Variants in PCDH9 observed in about 807,000 individuals in gnomAD.
PCDH9 encodes protocadherin 9, also known as protocadherin-9.
In PCDH9, 24 loss-of-function variants were observed where a neutral mutation model predicts 70.6. That is an observed-to-expected ratio of 0.34 (90% confidence interval 0.25 to 0.48). The LOEUF (loss-of-function observed/expected upper bound fraction) is 0.48. Among genes scored for constraint, PCDH9 ranks in the 20% least tolerant of loss-of-function variants. The pLI is 0.99. For synonymous variants in PCDH9, 562 were observed against 558.5 expected (o/e 1.01, Z -0.09); for missense variants, 1,281 against 1,503.6 (o/e 0.85, Z 2.45).
intron 3 of PCDH9, among the ~76,000 whole-genome samples, chr13:66,800,778 T>C (rs1213982028): frequency 2.0e-5 from 3 of 152,138 alleles, no homozygotes; most frequent in South Asian, 2.1e-4. Flanking sequence ...TCAAATTGTT[T>C]TTTTTACAAA....
intron 4 of PCDH9, among the ~76,000 whole-genome samples, chr13:66,463,816 C>T (rs1958468751): frequency 6.6e-6 from 1 of 151,642 alleles, no homozygotes; most frequent in Admixed American, 6.6e-5. Context: ...ACATTTTCCT[C>T]AAAGGTACAA....
At chr13:66,372,421 A>G (rs1956671249) in intron 4 of PCDH9, among the ~76,000 whole-genome samples, 1 of 151,802 alleles carries the variant, frequency 6.6e-6, no homozygotes, top group Non-Finnish European at 1.5e-5. Context: ...GATGGTGAAC[A>G]TCATATAAAA....
At chr13:66,360,787 A>T (rs1014768323) in intron 4 of PCDH9, among the ~76,000 whole-genome samples, 1 of 151,460 alleles carries the variant, frequency 6.6e-6, no homozygotes, top group African/African-American at 2.4e-5. Flanking sequence ...TTAAGTGAAG[A>T]TTTTTTTTTA....
chr13:66,399,741 A>G (rs1957156954), intron 4 of PCDH9, among the ~76,000 whole-genome samples: 1 of 152,118 alleles, frequency 6.6e-6, no homozygotes, highest in Non-Finnish European at 1.5e-5. Context: ...AAAAAAAGAA[A>G]AAAAAGGACA....
chr13:66,456,130 T>C (rs574982643), intron 4 of PCDH9, among the ~76,000 whole-genome samples: 2 of 152,182 alleles, frequency 1.3e-5, no homozygotes, highest in African/African-American at 2.4e-5. Context: ...AATTAAATGC[T>C]TTTTATCTGA....
At chr13:66,435,694 C>T (rs951216497) in intron 4 of PCDH9, among the ~76,000 whole-genome samples, 1 of 152,258 alleles carries the variant, frequency 6.6e-6, no homozygotes, top group East Asian at 1.9e-4. Flanking sequence ...TATATATTGA[C>T]TGAGACTAAT....
At chr13:66,976,676 C>T (rs746993465) in intron 2 of PCDH9, among the ~76,000 whole-genome samples, 3 of 152,006 alleles carry the variant, frequency 2.0e-5, no homozygotes, top group East Asian at 1.9e-4. Context: ...TCAGAACAAG[C>T]GCCTTTAGGT....
chr13:66,877,953 C>G (rs1453586892), intron 3 of PCDH9, among the ~76,000 whole-genome samples: 1 of 152,102 alleles, frequency 6.6e-6, no homozygotes, highest in East Asian at 1.9e-4. Flanking sequence ...AAACACAGAA[C>G]AAAAATTAGA....
chr13:66,407,134 T>C (rs1276260529), intron 4 of PCDH9, among the ~76,000 whole-genome samples: 1 of 152,228 alleles, frequency 6.6e-6, no homozygotes, highest in East Asian at 1.9e-4. Context: ...GTCCTACTAC[T>C]AAATGACTTT....
chr13:66,498,099 C>T (rs890269121), intron 4 of PCDH9, among the ~76,000 whole-genome samples: 4 of 151,598 alleles, frequency 2.6e-5, no homozygotes, highest in African/African-American at 9.7e-5. Context: ...GGATTACAGG[C>T]GTGAGCCACC....
At chr13:66,339,404 A>C (rs1434354801) in intron 4 of PCDH9, among the ~76,000 whole-genome samples, 1 of 152,020 alleles carries the variant, frequency 6.6e-6, no homozygotes, top group Admixed American at 6.6e-5. Context: ...AACCTAAAGG[A>C]AGTCTTTCTA....
chr13:66,513,325 T>C (rs1959581123), intron 4 of PCDH9, among the ~76,000 whole-genome samples: 1 of 152,030 alleles, frequency 6.6e-6, no homozygotes, highest in African/African-American at 2.4e-5. Context: ...CTATAATATA[T>C]GTAACTTTCT....
chr13:66,840,723 A>G (rs2081102112), intron 3 of PCDH9, among the ~76,000 whole-genome samples: 1 of 152,208 alleles, frequency 6.6e-6, no homozygotes, highest in African/African-American at 2.4e-5. Context: ...TGCTACATTG[A>G]GTATTTCTGT....
intron 2 of PCDH9, among the ~76,000 whole-genome samples, chr13:66,983,915 C>T (rs974881): frequency 6.6e-6 from 1 of 151,658 alleles, no homozygotes; most frequent in Non-Finnish European, 1.5e-5. Context: ...CCTTATTTTC[C>T]CTGAGATAAT....
chr13:66,728,569 G>T (rs191176444), intron 3 of PCDH9, among the ~76,000 whole-genome samples: 1 of 151,998 alleles, frequency 6.6e-6, no homozygotes, highest in African/African-American at 2.4e-5. Flanking sequence ...TTGAGTTATT[G>T]TTTCTGCTGT....
intron 4 of PCDH9, among the ~76,000 whole-genome samples, chr13:66,559,831 T>TACACACAC (rs143486261): frequency 8.9e-6 from 1 of 112,624 alleles, no homozygotes; most frequent in African/African-American, 3.6e-5. Flanking sequence ...TATATATATA[T>TACACACAC]ATACACACAC....
intron 3 of PCDH9, among the ~76,000 whole-genome samples, chr13:66,637,441 C>T (rs1238805559): frequency 1.3e-5 from 2 of 151,990 alleles, no homozygotes; most frequent in African/African-American, 4.8e-5. Context: ...TTATAAAGCA[C>T]TTTTCTAGTG....
intron 3 of PCDH9, among the ~76,000 whole-genome samples, chr13:66,780,986 G>A (rs1202455653): frequency 6.6e-6 from 1 of 152,068 alleles, no homozygotes; most frequent in Admixed American, 6.6e-5. Flanking sequence ...AAAGACTGTG[G>A]GATGCGGGTG....
At chr13:67,113,817 G>A (rs190613982) in intron 2 of PCDH9, among the ~76,000 whole-genome samples, 1 of 152,254 alleles carries the variant, frequency 6.6e-6, no homozygotes, top group Non-Finnish European at 1.5e-5. Context: ...AAAGTGCTCG[G>A]ATTACAGGAA....
Sources: gnomAD v4.1 joint callset for allele counts (sites outside exome capture counted in the v4.1 genomes callset) on GRCh38, gnomAD v4.1.1 for gene constraint, MANE v1.5 for transcripts, NCBI Gene and HGNC (gene_info 2026-07-23, HGNC 2026-07-21) for gene names.